The following ALDH1A1 variants were observed in gnomAD, a reference collection of about 807,000 sequenced individuals.
ALDH1A1 encodes the protein aldehyde dehydrogenase 1A1.
ALDH1A1 carries 19 observed loss-of-function variants against 62.1 expected under a neutral mutation model. The observed-to-expected ratio is 0.31, with a 90% CI of 0.21 to 0.45. The LOEUF (loss-of-function observed/expected upper bound fraction) is 0.45, where lower values mean the gene tolerates loss of function less well. Among genes scored for constraint, ALDH1A1 ranks in the 20% least tolerant of loss-of-function variants. The pLI is 1.00. For missense variants in ALDH1A1, 521 were observed against 607.1 expected, an observed-to-expected ratio of 0.86 and a Z score of 1.49; for synonymous variants, 231 against 215.9, an observed-to-expected ratio of 1.07 and a Z score of -0.61.
At chr9:72,902,311 A>G (rs1009631280) in intron 12 of ALDH1A1, among the ~76,000 whole-genome samples, 14 of 152,062 alleles carry the variant, frequency 9.2e-5, no homozygotes, top group Non-Finnish European at 2.1e-4. Flanking sequence ...AGTAGTCTCA[A>G]AATCATAACA....
intron 1 of ALDH1A1, among the ~76,000 whole-genome samples, chr9:72,945,038 T>G (rs1830459922): frequency 6.6e-6 from 1 of 152,124 alleles, no homozygotes; most frequent in Non-Finnish European, 1.5e-5. Context: ...AGTAGCCATT[T>G]CCTGGATTCA....
At chr9:72,931,722 A>G (rs930813566) in intron 2 of ALDH1A1, among the ~76,000 whole-genome samples, 10 of 152,224 alleles carry the variant, frequency 6.6e-5, no homozygotes, top group African/African-American at 2.4e-4. Context: ...AGGGCATGGA[A>G]ATAGTGGAAC....
intron 11 of ALDH1A1, among the ~76,000 whole-genome samples, chr9:72,908,674 G>A (rs573361498): frequency 6.6e-6 from 1 of 152,044 alleles, no homozygotes; most frequent in South Asian, 2.1e-4. Context: ...TGTTGGGAAG[G>A]AAAATAATCT....
Position 72,909,738 on chromosome 9 carries a change from T to C in ALDH1A1, c.1222A>G (p.Ile408Val), listed in dbSNP as rs1026484417. The change falls in exon 11 of 13, where the codon ATC becomes GTC. Residue 408 changes from isoleucine to valine, a missense_variant. Transcript: ENST00000297785. ...KEEIFGPVQQ[I>V]MKFKSLDDVI... is the part of the protein sequence containing the mutation. Reference sequence around the variant, plus strand: ...TCATCTAAAGATTTAAACTTCATGATTTGCTGCACTGGTCCAAAAATCTAT... The same window carrying C: ...TCATCTAAAGATTTAAACTTCATGACTTGCTGCACTGGTCCAAAAATCTAT... The C allele has an allele frequency of 6.2e-7, 1 of 1,612,110 alleles. No individual in the cohort carries two copies. The highest frequency in any genetic ancestry group is 8.5e-7 in the Non-Finnish European group (1 of 1,179,136).
intron 6 of ALDH1A1, among the ~76,000 whole-genome samples, chr9:72,924,339 C>A (rs534718912): frequency 1.2e-4 from 19 of 152,222 alleles, no homozygotes; most frequent in Non-Finnish European, 2.6e-4. Flanking sequence ...TATTAAAGGA[C>A]AATTTCTTGT....
intron 8 of ALDH1A1, 38 bp from the exon 9 acceptor site, chr9:72,917,142 A>G (rs373948969): frequency 5.2e-6 from 7 of 1,339,300 alleles, no homozygotes; most frequent in Admixed American, 5.9e-5. Context: ...TATATTTTAT[A>G]AAAATTATAT....
intron 7 of ALDH1A1, among the ~76,000 whole-genome samples, chr9:72,920,986 G>A (rs1426764671): frequency 2.0e-5 from 3 of 152,156 alleles, no homozygotes; most frequent in Non-Finnish European, 4.4e-5. Context: ...GGTGGCTCAC[G>A]CCTGTAATCC....
intron 12 of ALDH1A1, among the ~76,000 whole-genome samples, chr9:72,903,041 T>G (rs1294897559): frequency 2.0e-5 from 3 of 151,716 alleles, no homozygotes; most frequent in African/African-American, 7.3e-5. Flanking sequence ...TGGCACTAAT[T>G]AAGTAGGCAC....
intron 11 of ALDH1A1, 152 bp from the exon 12 acceptor site, chr9:72,906,184 T>G (rs551002412): frequency 8.6e-6 from 5 of 582,932 alleles, no homozygotes; most frequent in Non-Finnish European, 9.2e-6. Flanking sequence ...GCACTATAAA[T>G]TAGAATGCAG....
In ALDH1A1 at chr9:72,901,692, A is replaced by T. The variant is rs144090938; in HGVS notation, c.1434-412T>A. ...TTTGTCATTTCTAGTTTAGATTGAA[A>T]TAAGATGGACATAGGACAAGAGGAG... is the stretch of plus-strand genomic sequence containing the variant. On this transcript the variant is annotated intron_variant, in intron 12 of 12. Transcript: ENST00000297785. 9.0e-4 allele frequency among the ~76,000 whole-genome samples: 137 copies of T among 152,224 alleles called. 2 individuals are homozygous for T. In the East Asian group the frequency reaches 0.026, roughly 29 times the overall value.
At chr9:72,937,897 T>C (rs1384468082) in intron 2 of ALDH1A1, among the ~76,000 whole-genome samples, 4 of 152,184 alleles carry the variant, frequency 2.6e-5, no homozygotes, top group Admixed American at 6.5e-5. Flanking sequence ...ATCATTTTAT[T>C]TTGTTTCTAC....
At chr9:72,942,429 T>C in intron 1 of ALDH1A1, 2 of 946,498 alleles carry the variant, frequency 2.1e-6, no homozygotes, top group East Asian at 1.2e-4. Flanking sequence ...ACACAAATAA[T>C]CCCTAGGTAC....
chr9:72,933,292 T>C (rs1022274287), intron 2 of ALDH1A1, among the ~76,000 whole-genome samples: 3 of 152,186 alleles, frequency 2.0e-5, no homozygotes, highest in African/African-American at 7.2e-5. Flanking sequence ...CAGAGTGAAG[T>C]AAGAAGATTG....
intron 1 of ALDH1A1, among the ~76,000 whole-genome samples, chr9:72,951,941 A>T (rs1830547898): frequency 6.6e-6 from 1 of 152,010 alleles, no homozygotes; most frequent in African/African-American, 2.4e-5. Flanking sequence ...AAAATGCAAC[A>T]GACCTTGGGA....
chr9:72,944,466 C>T (rs1461392683), intron 1 of ALDH1A1, among the ~76,000 whole-genome samples: 1 of 152,040 alleles, frequency 6.6e-6, no homozygotes, highest in Non-Finnish European at 1.5e-5. Context: ...ATAGGGCCTA[C>T]CTCAAATACA....
At chr9:72,933,610 A>AAAAAAAAAAAAT (rs1564637328) in intron 2 of ALDH1A1, among the ~76,000 whole-genome samples, 3 of 119,018 alleles carry the variant, frequency 2.5e-5, no homozygotes, top group Non-Finnish European at 3.5e-5. Flanking sequence ...AAAAAAAAAA[A>AAAAAAAAAAAAT]AAAGAAAAAG....
intron 11 of ALDH1A1, among the ~76,000 whole-genome samples, chr9:72,908,094 C>T (rs905549666): frequency 1.1e-4 from 17 of 151,894 alleles, no homozygotes; most frequent in African/African-American, 3.4e-4. Flanking sequence ...TTCTAATGAA[C>T]AGCCAGGGCT....
intron 1 of ALDH1A1, among the ~76,000 whole-genome samples, chr9:72,950,520 C>T (rs987168636): frequency 2.6e-5 from 4 of 151,814 alleles, no homozygotes; most frequent in Non-Finnish European, 5.9e-5. Flanking sequence ...TCTACCCCAA[C>T]AAAGAAATAA....
intron 2 of ALDH1A1, among the ~76,000 whole-genome samples, chr9:72,932,179 T>C (rs993921597): frequency 6.6e-6 from 1 of 152,186 alleles, no homozygotes; most frequent in African/African-American, 2.4e-5. Context: ...GCTCCACAAA[T>C]AGTGGCTATA....
Sources: gnomAD v4.1 joint callset for allele counts (sites outside exome capture counted in the v4.1 genomes callset) on GRCh38, gnomAD v4.1.1 for gene constraint, MANE v1.5 for transcripts, NCBI Gene and HGNC (gene_info 2026-07-23, HGNC 2026-07-21) for gene names.